The following SGCZ variants were observed in gnomAD, a reference collection of about 807,000 sequenced individuals.
SGCZ encodes zeta-sarcoglycan.
In SGCZ, 40 loss-of-function variants were observed where a neutral mutation model predicts 41.3. The ratio of observed to expected loss-of-function variants is 0.97; its 90% CI spans 0.75 to 1.26. The LOEUF is 1.26. SGCZ is among the 50% of genes most tolerant of loss of function. The pLI is 0.00. For missense variants in SGCZ, 552 were observed against 369.8 expected (o/e 1.49, Z -4.04); for synonymous variants, 206 against 137.5 (o/e 1.50, Z -3.49).
At chr8:14,898,561 A>G (rs1805288455) in intron 1 of SGCZ, among the ~76,000 whole-genome samples, 1 of 152,200 alleles carries the variant, frequency 6.6e-6, no homozygotes, top group Admixed American at 6.5e-5. Flanking sequence ...TGGTAAAAGC[A>G]AGAATAATGG....
intron 1 of SGCZ, among the ~76,000 whole-genome samples, chr8:14,747,617 A>C (rs1317543112): frequency 6.6e-6 from 1 of 151,524 alleles, no homozygotes; most frequent in Non-Finnish European, 1.5e-5. Context: ...TTAAAATGAC[A>C]TATTCTGCAA....
chr8:14,145,639 A>G (rs576424118), intron 5 of SGCZ, among the ~76,000 whole-genome samples: 2 of 152,360 alleles, frequency 1.3e-5, no homozygotes, highest in South Asian at 4.1e-4. Flanking sequence ...TAACAGAGAT[A>G]CGTGACCTTT....
At chr8:14,566,282 A>T (rs1287391673) in intron 1 of SGCZ, among the ~76,000 whole-genome samples, 1 of 152,232 alleles carries the variant, frequency 6.6e-6, no homozygotes, top group Non-Finnish European at 1.5e-5. Flanking sequence ...CCGAATATTG[A>T]TATAACAAGG....
intron 1 of SGCZ, among the ~76,000 whole-genome samples, chr8:15,003,151 C>T (rs965635116): frequency 1.3e-5 from 2 of 152,148 alleles, no homozygotes; most frequent in African/African-American, 4.8e-5. Context: ...ATATTGTTGT[C>T]TTGGGAGAAA....
intron 1 of SGCZ, among the ~76,000 whole-genome samples, chr8:14,644,096 C>G (rs77816539): frequency 0.11 from 16,303 of 151,620 alleles, 1,063 homozygotes; most frequent in African/African-American, 0.19. Flanking sequence ...GCATACCTAT[C>G]AATATTTTCT....
At chr8:14,747,966 T>G (rs993930927) in intron 1 of SGCZ, among the ~76,000 whole-genome samples, 1 of 151,032 alleles carries the variant, frequency 6.6e-6, no homozygotes, top group African/African-American at 2.4e-5. Flanking sequence ...ACTCAGGTGA[T>G]TCACCCACCT....
At chr8:14,468,264 A>G (rs949788427) in intron 2 of SGCZ, among the ~76,000 whole-genome samples, 5 of 152,110 alleles carry the variant, frequency 3.3e-5, no homozygotes, top group African/African-American at 7.2e-5. Flanking sequence ...GCAGTAATCT[A>G]TTTCATTCAC....
chr8:15,152,280 ACTAAGGGT>A (rs1799198432), intron 1 of SGCZ, among the ~76,000 whole-genome samples: 1 of 152,200 alleles, frequency 6.6e-6, no homozygotes, highest in Non-Finnish European at 1.5e-5. Context: ...AACATGATGA[ACTAAGGGT>A]CAGAAAAAAA....
At chr8:15,230,180 C>G (rs113991507) in intron 1 of SGCZ, among the ~76,000 whole-genome samples, 2,863 of 130,476 alleles carry the variant, frequency 0.022, 96 homozygotes, top group African/African-American at 0.076. Context: ...AATAAGGATA[C>G]TAGTTAAAAA....
chr8:14,684,452 T>C (rs140155974), intron 1 of SGCZ, among the ~76,000 whole-genome samples: 1,706 of 152,312 alleles, frequency 0.011, 10 homozygotes, highest in Admixed American at 0.016. Context: ...TCTCTGTTAC[T>C]GACTCTGGCT....
chr8:14,713,238 C>T (rs527360433), intron 1 of SGCZ, among the ~76,000 whole-genome samples: 5 of 152,064 alleles, frequency 3.3e-5, no homozygotes, highest in East Asian at 3.9e-4. Flanking sequence ...CATGTCCAAG[C>T]GTATCAAAGT....
At chr8:14,117,853 TG>T (rs1802572586) in intron 5 of SGCZ, among the ~76,000 whole-genome samples, 1 of 139,812 alleles carries the variant, frequency 7.2e-6, no homozygotes, top group Non-Finnish European at 1.6e-5. Flanking sequence ...TCTCTTCTTG[TG>T]TTCGTTTGCT....
At chr8:14,524,967 T>C (rs935461960) in intron 2 of SGCZ, among the ~76,000 whole-genome samples, 6 of 152,256 alleles carry the variant, frequency 3.9e-5, no homozygotes, top group South Asian at 4.1e-4. Flanking sequence ...CATTAATTAC[T>C]ATTTCAAGTG....
chr8:14,694,757 A>G (rs1276782739), intron 1 of SGCZ, among the ~76,000 whole-genome samples: 1 of 152,188 alleles, frequency 6.6e-6, no homozygotes, highest in Non-Finnish European at 1.5e-5. Context: ...ACTCATATTT[A>G]TTTATCAAAA....
chr8:14,872,496 G>A (rs1291380753), intron 1 of SGCZ, among the ~76,000 whole-genome samples: 1 of 151,950 alleles, frequency 6.6e-6, no homozygotes, highest in Non-Finnish European at 1.5e-5. Context: ...ATACACAATG[G>A]TAATAGAATC....
At chr8:14,444,867 A>G (rs967988441) in intron 2 of SGCZ, among the ~76,000 whole-genome samples, 32 of 152,178 alleles carry the variant, frequency 2.1e-4, no homozygotes, top group African/African-American at 7.7e-4. Flanking sequence ...AAGTTTTGAA[A>G]TGACTGTTAA....
chr8:14,272,361 C>T (rs979350118), intron 3 of SGCZ, among the ~76,000 whole-genome samples: 12 of 152,180 alleles, frequency 7.9e-5, no homozygotes, highest in East Asian at 5.8e-4. Context: ...GACTATATGA[C>T]GGACTTTTCC....
intron 1 of SGCZ, among the ~76,000 whole-genome samples, chr8:15,063,400 A>C (rs1398652463): frequency 6.6e-6 from 1 of 152,172 alleles, no homozygotes. Context: ...CATTTCTTAC[A>C]TGGAGAAAAA....
At chr8:14,408,031 T>C (rs182592569) in intron 2 of SGCZ, among the ~76,000 whole-genome samples, 13 of 152,274 alleles carry the variant, frequency 8.5e-5, no homozygotes, top group Admixed American at 5.9e-4. Context: ...GGGAAGGAAA[T>C]AGATATTTCA....
Sources: allele counts gnomAD v4.1 joint callset (sites outside exome capture counted in the v4.1 genomes callset), GRCh38; gene constraint gnomAD v4.1.1; transcripts MANE v1.5; gene names NCBI Gene and HGNC (gene_info 2026-07-23, HGNC 2026-07-21).